SIPA1L2: variants seen among roughly 807,000 people sequenced by gnomAD.
The protein encoded by SIPA1L2 is signal-induced proliferation-associated 1-like protein 2.
In SIPA1L2, 56 loss-of-function variants were observed where a neutral mutation model predicts 163.9. The observed-to-expected ratio is 0.34, with a 90% CI of 0.28 to 0.43. The LOEUF is 0.43. SIPA1L2 is among the 20% of genes least tolerant of loss of function. The pLI is 1.00. For missense variants in SIPA1L2, 1,974 were observed against 2,193.5 expected, an observed-to-expected ratio of 0.90 and a Z score of 2.00; for synonymous variants, 877 against 865.7, an observed-to-expected ratio of 1.01 and a Z score of -0.23.
At chr1:232,412,139 C>T (rs1182784281) in intron 19 of SIPA1L2, among the ~76,000 whole-genome samples, 1 of 152,150 alleles carries the variant, frequency 6.6e-6, no homozygotes, top group Non-Finnish European at 1.5e-5. Flanking sequence ...ATAGTAAAAT[C>T]TAAATTCTTA....
In SIPA1L2 at chr1:232,531,389, C is replaced by T. The variant is rs1656927525; in HGVS notation, c.-269-15781G>A. 2.0e-5 allele frequency among the ~76,000 whole-genome samples: 3 copies of T among 152,164 alleles called. No individual in the cohort carries two copies. In the South Asian group the frequency reaches 6.2e-4, roughly 31 times the overall value. ...GTGATATTAAATATGCAGACATTGACGCAAGACCTAAGTTCAAATGCTGGC... is the reference window on the plus strand; with the variant it reads ...GTGATATTAAATATGCAGACATTGATGCAAGACCTAAGTTCAAATGCTGGC... On this transcript the variant is annotated intron_variant, in intron 2 of 22. Transcript: ENST00000674635.
intron 10 of SIPA1L2, among the ~76,000 whole-genome samples, chr1:232,458,067 TGATGG>T (rs1664029473): frequency 6.6e-6 from 1 of 152,128 alleles, no homozygotes; most frequent in African/African-American, 2.4e-5. Flanking sequence ...GAAATGTGGG[TGATGG>T]GTGTGCCAAT....
At chr1:232,500,721 G>A (rs955423776) in intron 3 of SIPA1L2, among the ~76,000 whole-genome samples, 3 of 152,190 alleles carry the variant, frequency 2.0e-5, no homozygotes, top group Non-Finnish European at 2.9e-5. Flanking sequence ...TGCTGTGAAC[G>A]TTGTTGAAAT....
intron 10 of SIPA1L2, among the ~76,000 whole-genome samples, chr1:232,450,477 G>A (rs1663506900): frequency 6.6e-6 from 1 of 152,274 alleles, no homozygotes; most frequent in South Asian, 2.1e-4. Flanking sequence ...CACTCAAATC[G>A]ATGCTCTAAG....
At chr1:232,551,680 C>T (rs759371328) in intron 2 of SIPA1L2, among the ~76,000 whole-genome samples, 3 of 152,124 alleles carry the variant, frequency 2.0e-5, no homozygotes, top group Non-Finnish European at 4.4e-5. Context: ...AGCAGGAGGG[C>T]GGAAGGGTTG....
chr1:232,625,916 A>G (rs1447747488), intron 1 of SIPA1L2, among the ~76,000 whole-genome samples: 1 of 152,246 alleles, frequency 6.6e-6, no homozygotes, highest in African/African-American at 2.4e-5. Context: ...TGAGCTACTC[A>G]GTGATTTCTA....
chr1:232,590,118 C>A (rs1008784161), intron 1 of SIPA1L2, among the ~76,000 whole-genome samples: 2 of 152,294 alleles, frequency 1.3e-5, no homozygotes, highest in Admixed American at 1.3e-4. Context: ...CTATCCTCTT[C>A]CCCACAAGGG....
At chr1:232,611,667 C>G (rs1029527855) in intron 1 of SIPA1L2, among the ~76,000 whole-genome samples, 13 of 152,190 alleles carry the variant, frequency 8.5e-5, no homozygotes, top group Admixed American at 2.6e-4. Context: ...GAAGAAATTT[C>G]TAAGCAGCAA....
intron 5 of SIPA1L2, among the ~76,000 whole-genome samples, chr1:232,484,592 A>G (rs923729805): frequency 6.6e-6 from 1 of 152,202 alleles, no homozygotes; most frequent in African/African-American, 2.4e-5. Context: ...TACTATCTTG[A>G]AAACATCTGC....
chr1:232,543,661 G>T (rs532878951), intron 2 of SIPA1L2, among the ~76,000 whole-genome samples: 1 of 152,180 alleles, frequency 6.6e-6, no homozygotes, highest in Non-Finnish European at 1.5e-5. Context: ...CTGAGGCCAG[G>T]AGTTGAAGCC....
chr1:232,485,633 G>C (rs1019207126), intron 5 of SIPA1L2, among the ~76,000 whole-genome samples: 5 of 152,198 alleles, frequency 3.3e-5, no homozygotes, highest in African/African-American at 1.2e-4. Context: ...AAGTGCATTA[G>C]AGAAACTATT....
At chr1:232,412,513 A>G (rs1464204069) in intron 19 of SIPA1L2, among the ~76,000 whole-genome samples, 1 of 152,150 alleles carries the variant, frequency 6.6e-6, no homozygotes, top group Non-Finnish European at 1.5e-5. Context: ...TGGCCTTGAG[A>G]ACTGGTACAA....
chr1:232,602,157 G>A (rs1203014578), intron 1 of SIPA1L2, among the ~76,000 whole-genome samples: 1 of 152,138 alleles, frequency 6.6e-6, no homozygotes. Context: ...GCAACAAGAA[G>A]AGCTTGTGCA....
intron 19 of SIPA1L2, among the ~76,000 whole-genome samples, chr1:232,414,236 GCTGC>G (rs1159410052): frequency 1.3e-5 from 2 of 152,180 alleles, no homozygotes; most frequent in African/African-American, 4.8e-5. Context: ...CTCCTAGCAA[GCTGC>G]CTTTCACCTA....
chr1:232,425,740 G>A lies in SIPA1L2; in HGVS notation c.4479C>T (p.Cys1493=). The A allele has an allele frequency of 6.2e-7, 1 of 1,614,146 alleles. No individual in the cohort carries two copies. The highest frequency in any genetic ancestry group is 8.5e-7 in the Non-Finnish European group (1 of 1,180,018). Reference sequence around the variant, plus strand: ...CAAAGGAGGACCCCCTCCTGTTGCTGCAGATGCTCTCGTCAGACAGCGTGC... The same window carrying A: ...CAAAGGAGGACCCCCTCCTGTTGCTACAGATGCTCTCGTCAGACAGCGTGC... ...LYRTLSDESI[C]SNRRGSSFGS... is the part of the protein sequence containing the mutation. The change falls in exon 18 of 23, where the codon TGC becomes TGT. Residue 1493 remains cysteine, a synonymous_variant. Coordinates refer to ENST00000674635, the MANE Select transcript of SIPA1L2 (RefSeq NM_020808.5).
At chr1:232,469,208 C>G (rs940665881) in intron 8 of SIPA1L2, among the ~76,000 whole-genome samples, 1 of 152,130 alleles carries the variant, frequency 6.6e-6, no homozygotes, top group Non-Finnish European at 1.5e-5. Context: ...ACTCAACACC[C>G]GAAAAAAGCT....
chr1:232,630,244 G>A (rs1024480607), upstream of SIPA1L2, among the ~76,000 whole-genome samples: 1 of 151,704 alleles, frequency 6.6e-6, no homozygotes, highest in Non-Finnish European at 1.5e-5. Flanking sequence ...CCCGCCCCAC[G>A]ATTGGGCGCG....
rs747341072 is a variant in SIPA1L2 at position 232,514,699 on chromosome 1, C to T, written c.641G>A (p.Gly214Glu). 1 of 1,614,162 alleles carries T rather than the reference C, an allele frequency of 6.2e-7. No homozygotes were observed. Among genetic ancestry groups the T allele is most frequent in the Non-Finnish European group, 8.5e-7 (1 of 1,180,026 alleles). ...SGENFFAMLRGYRVENYDHKA... is the reference protein window; with the variant it reads ...SGENFFAMLREYRVENYDHKA... ...GTGGTCATAATTTTCTACTCGGTACCCTCTGAGCATAGCAAAAAAGTTTTC... is the reference window on the plus strand; with the variant it reads ...GTGGTCATAATTTTCTACTCGGTACTCTCTGAGCATAGCAAAAAAGTTTTC... Residue 214 changes from glycine to glutamate, a missense_variant, in exon 3 of 23, where the codon GGG becomes GAG. Transcript: ENST00000674635.
At chr1:232,446,300 C>T (rs999925641) in intron 10 of SIPA1L2, among the ~76,000 whole-genome samples, 2 of 152,190 alleles carry the variant, frequency 1.3e-5, no homozygotes, top group Admixed American at 1.3e-4. Context: ...ACCTTGTTCA[C>T]AGTTACTCAG....
Sources: allele counts gnomAD v4.1 joint callset (sites outside exome capture counted in the v4.1 genomes callset), GRCh38; gene constraint gnomAD v4.1.1; transcripts MANE v1.5; gene names NCBI Gene and HGNC (gene_info 2026-07-23, HGNC 2026-07-21).